The following CLASP1 variants were observed in gnomAD, a reference collection of about 807,000 sequenced individuals.
The protein encoded by CLASP1 is CLIP-associating protein 1.
Under a neutral mutation model 192.3 loss-of-function variants are expected in CLASP1, and 38 were observed. The observed-to-expected ratio is 0.20, with a 90% CI of 0.15 to 0.26. The LOEUF (loss-of-function observed/expected upper bound fraction) is 0.26. Among genes scored for constraint, CLASP1 ranks in the 10% least tolerant of loss-of-function variants. CLASP1 has a pLI of 1.00. For missense variants in CLASP1, 1,433 were observed against 1,932.5 expected (o/e 0.74, Z 4.85); for synonymous variants, 691 against 712.8 (o/e 0.97, Z 0.49).
intron 1 of CLASP1, among the ~76,000 whole-genome samples, chr2:121,638,300 A>AT (rs2071291438): frequency 6.6e-6 from 1 of 152,110 alleles, no homozygotes; most frequent in African/African-American, 2.4e-5. Context: ...AAAAATAAAA[A>AT]TTAAAAAAAA....
chr2:121,522,165 C>A (rs2094473714), intron 6 of CLASP1, among the ~76,000 whole-genome samples: 1 of 151,952 alleles, frequency 6.6e-6, no homozygotes, highest in African/African-American at 2.4e-5. Flanking sequence ...TATGTGCGGA[C>A]AAAACATTCC....
intron 1 of CLASP1, among the ~76,000 whole-genome samples, chr2:121,646,060 C>T (rs1421233395): frequency 6.6e-6 from 1 of 152,138 alleles, no homozygotes; most frequent in African/African-American, 2.4e-5. Context: ...ACTGTATCAG[C>T]GATGATTTCT....
Position 121,427,439 on chromosome 2 carries a change from T to G in CLASP1, c.2018-9A>C. The stretch of plus-strand genomic sequence containing the variant: ...ATTAGCAGATCTGGATCCTTGATTA[T>G]GAGAGCAGACCAAAGGACAGGCAAA... On this transcript the variant is annotated splice_polypyrimidine_tract_variant and intron_variant, in intron 20 of 39. Coordinates refer to ENST00000263710, the Ensembl canonical transcript of CLASP1. 1 of 1,612,730 alleles carries G rather than the reference T, an allele frequency of 6.2e-7. No homozygotes were observed. Among genetic ancestry groups the G allele is most frequent in the Non-Finnish European group, 8.5e-7 (1 of 1,179,504 alleles).
intron 7 of CLASP1, among the ~76,000 whole-genome samples, chr2:121,504,143 A>T (rs2093858641): frequency 6.6e-6 from 1 of 151,776 alleles, no homozygotes. Context: ...GAGGCAGGAG[A>T]ATTGCTTGAA....
chr2:121,635,613 A>G (rs532748785), intron 1 of CLASP1, among the ~76,000 whole-genome samples: 78 of 152,218 alleles, frequency 5.1e-4, no homozygotes, highest in Non-Finnish European at 9.4e-4. Flanking sequence ...ATTAGCCACT[A>G]CCAAACACTA....
chr2:121,389,881 A>G (rs2074041931), intron 30 of CLASP1, among the ~76,000 whole-genome samples: 1 of 152,156 alleles, frequency 6.6e-6, no homozygotes, highest in Non-Finnish European at 1.5e-5. Flanking sequence ...TATTTTTAAG[A>G]AAAGAGACAG....
At chr2:121,515,712 T>G in exon 7 of CLASP1, 4 of 1,613,986 alleles carry the variant, frequency 2.5e-6, no homozygotes, top group Non-Finnish European at 3.4e-6. Flanking sequence ...TCACACGTTC[T>G]CCTACATGTC....
At chr2:121,626,862 A>G (rs955872079) in intron 1 of CLASP1, among the ~76,000 whole-genome samples, 1 of 152,234 alleles carries the variant, frequency 6.6e-6, no homozygotes, top group Admixed American at 6.5e-5. Flanking sequence ...AAAAAGACCT[A>G]CAAAGGAAAG....
At chr2:121,384,047 T>C (rs959946810) in intron 32 of CLASP1, among the ~76,000 whole-genome samples, 7 of 135,586 alleles carry the variant, frequency 5.2e-5, no homozygotes, top group African/African-American at 5.2e-5. Context: ...TATGTATATA[T>C]ACACACATAT....
chr2:121,584,538 A>G (rs958322954), intron 2 of CLASP1, among the ~76,000 whole-genome samples: 9 of 152,190 alleles, frequency 5.9e-5, no homozygotes, highest in African/African-American at 2.2e-4. Flanking sequence ...ATGCCTCCAG[A>G]TGATTCTGAT....
intron 31 of CLASP1, 126 bp from the exon 33 acceptor site, chr2:121,387,354 T>A (rs908671118): frequency 1.5e-6 from 1 of 673,648 alleles, no homozygotes; most frequent in Non-Finnish European, 2.4e-6. Context: ...GTTTTTTTTT[T>A]CCCTTAGAAT....
chr2:121,497,960 C>T (rs914908440), intron 8 of CLASP1, among the ~76,000 whole-genome samples: 1 of 152,042 alleles, frequency 6.6e-6, no homozygotes, highest in Non-Finnish European at 1.5e-5. Context: ...CTCCTGACCT[C>T]GTGATCCGCC....
intron 13 of CLASP1, among the ~76,000 whole-genome samples, chr2:121,458,573 G>A (rs1196128446): frequency 6.6e-6 from 1 of 152,120 alleles, no homozygotes; most frequent in African/African-American, 2.4e-5. Flanking sequence ...GACACCGGAT[G>A]TTCGAACATT....
chr2:121,641,600 C>G (rs2072092382), intron 1 of CLASP1, among the ~76,000 whole-genome samples: 1 of 152,222 alleles, frequency 6.6e-6, no homozygotes, highest in South Asian at 2.1e-4. Context: ...AGACCACCTG[C>G]ATGTAATACC....
chr2:121,551,880 C>T, intron 2 of CLASP1, among the ~76,000 whole-genome samples: 1 of 151,970 alleles, frequency 6.6e-6, no homozygotes, highest in East Asian at 1.9e-4. Flanking sequence ...AGAAAAAAAG[C>T]CCAAATAGTC....
At chr2:121,517,943 C>T (rs13398542) in intron 6 of CLASP1, among the ~76,000 whole-genome samples, 34,629 of 132,928 alleles carry the variant, frequency 0.26, 6,716 homozygotes, top group African/African-American at 0.56. Context: ...TCCCAGCACT[C>T]TGGAAGGCCC....
At chr2:121,389,642 T>C (rs894333644) in intron 30 of CLASP1, among the ~76,000 whole-genome samples, 1 of 152,342 alleles carries the variant, frequency 6.6e-6, no homozygotes, top group African/African-American at 2.4e-5. Context: ...TTATAAAATA[T>C]ATGATTACAT....
At chr2:121,573,250 G>A (rs777558088) in intron 2 of CLASP1, among the ~76,000 whole-genome samples, 7 of 152,122 alleles carry the variant, frequency 4.6e-5, no homozygotes, top group Non-Finnish European at 8.8e-5. Context: ...GTGAGCCACC[G>A]CGCCCAGCTG....
At chr2:121,628,837 G>A (rs2068891621) in intron 1 of CLASP1, among the ~76,000 whole-genome samples, 1 of 149,592 alleles carries the variant, frequency 6.7e-6, no homozygotes, top group Non-Finnish European at 1.5e-5. Flanking sequence ...TATCAAGTAT[G>A]CTAAAATGGG....
Sources: allele counts gnomAD v4.1 joint callset (sites outside exome capture counted in the v4.1 genomes callset), GRCh38; gene constraint gnomAD v4.1.1; transcripts MANE v1.5; gene names NCBI Gene and HGNC (gene_info 2026-07-23, HGNC 2026-07-21).